The following RBM5 variants were observed in gnomAD, a reference collection of about 807,000 sequenced individuals.
RBM5 encodes the protein RNA binding motif protein 5.
Under a neutral mutation model 124.6 loss-of-function variants are expected in RBM5, and 15 were observed. The ratio of observed to expected loss-of-function variants is 0.12; its 90% CI spans 0.08 to 0.19. The LOEUF (loss-of-function observed/expected upper bound fraction) is 0.19, where lower values mean the gene tolerates loss of function less well. RBM5 is among the 10% of genes least tolerant of loss of function. RBM5 has a pLI of 1.00. For synonymous variants in RBM5, 337 were observed against 361.2 expected (o/e 0.93, Z 0.76); for missense variants, 580 against 1,026.5 (o/e 0.57, Z 5.94).
At chr3:50,109,531 G>C in intron 14 of RBM5, 72 bp from the exon 15 acceptor site, 1 of 1,208,324 alleles carries the variant, frequency 8.3e-7, no homozygotes, top group Non-Finnish European at 1.2e-6. Context: ...GCTAGATTGG[G>C]CATTACAAAT....
rs1394253861 is a variant in RBM5, at chr3:50,100,724, T to C, written c.483+119T>C. 5 of 717,762 alleles carry C rather than the reference T, an allele frequency of 7.0e-6. No homozygotes were observed. The highest frequency in any genetic ancestry group is 2.7e-5 in the East Asian group (1 of 36,950). 44.5% of individuals were successfully genotyped at this position (717,762 alleles called of 1,614,324 possible). A position where few individuals can be genotyped will look rare whatever the true frequency, so the allele number is the denominator to read the frequency against. The stretch of plus-strand genomic sequence containing the variant: ...GTGACTTTTTTTTAAAAAAAAAGCT[T>C]TGTATATATTAAAATTGATGTTACT... On this transcript the variant is annotated intron_variant, in intron 6 of 24. Transcript: ENST00000347869. The surrounding 1 kb of genome is among the most constrained non-coding windows in gnomAD (Gnocchi z 5.1).
chr3:50,110,431 C>G lies in RBM5; in HGVS notation c.1331C>G (p.Ser444Cys), dbSNP rs1217037358. The change falls in exon 16 of 25, where the codon TCC (serine) becomes TGC (cysteine). Residue 444 changes from serine to cysteine, a missense_variant. By Grantham distance (112) the Ser-to-Cys change is moderately radical (BLOSUM62 -1). This residue lies in a region of RBM5 where 104 missense variants were observed against 128.7 expected (regional missense o/e 0.81). Coordinates refer to ENST00000347869, the MANE Select transcript of RBM5 (RefSeq NM_005778.4). ...TSTSTQAPAA[S>C]PTGVVPGTKY... ...ACAAGTACACAGGCCCCAGCCGCTT[C>G]CCCTACTGGTGTAGTTCCTGGTACC... 1.2e-6 allele frequency: 2 copies of G among 1,614,098 alleles called. No homozygotes were observed. The highest frequency in any genetic ancestry group is 3.3e-5 in the Admixed American group (2 of 60,006).
chr3:50,107,601 T>C, intron 12 of RBM5, 32 bp downstream of exon 12: 2 of 1,515,188 alleles, frequency 1.3e-6, no homozygotes, highest in Non-Finnish European at 1.8e-6. Flanking sequence ...CTCAAGGTAG[T>C]GTGGTGGTGG....
intron 17 of RBM5, 100 bp downstream of exon 17, chr3:50,110,870 C>T: frequency 1.0e-6 from 1 of 992,624 alleles, no homozygotes. Context: ...GAATATATGA[C>T]TCAGATTAGT....
At chr3:50,091,301 C>T (rs1420362757) in intron 2 of RBM5, among the ~76,000 whole-genome samples, 1 of 152,190 alleles carries the variant, frequency 6.6e-6, no homozygotes. Context: ...CTAAATGAAG[C>T]CCTTATAAAC....
Position 50,118,082 on chromosome 3 carries a change from C to T in RBM5, c.2323-249C>T, listed in dbSNP as rs2091290820. 1.5e-5 allele frequency: 8 copies of T among 534,954 alleles called. No homozygotes were observed. The East Asian group carries it at 1.9e-4, about 13-fold the overall frequency. The allele number at this position is 534,954 out of a possible 1,614,324, so 33.1% of individuals were successfully genotyped here. On this transcript the variant is annotated intron_variant, in intron 24 of 24. Coordinates refer to ENST00000347869, the MANE Select transcript of RBM5 (RefSeq NM_005778.4). The stretch of plus-strand genomic sequence containing the variant: ...GAATACTTTGGGGCCCTTTCCTAGG[C>T]GTGGATGCTTGCTGAGCAGGCATTG...
chr3:50,091,748 G>C (rs2090707034), intron 2 of RBM5, among the ~76,000 whole-genome samples: 3 of 152,138 alleles, frequency 2.0e-5, no homozygotes, highest in Non-Finnish European at 4.4e-5. Context: ...GTAGACTCTA[G>C]GCTTGACAAA....
intron 4 of RBM5, among the ~76,000 whole-genome samples, chr3:50,095,919 T>C (rs1394859408): frequency 1.3e-5 from 2 of 152,318 alleles, no homozygotes; most frequent in East Asian, 3.9e-4. Context: ...AGTAATATTC[T>C]GACTAATGTT....
intron 18 of RBM5, 60 bp downstream of exon 18, chr3:50,113,604 G>T: frequency 6.7e-7 from 1 of 1,502,410 alleles, no homozygotes; most frequent in Non-Finnish European, 9.0e-7. Context: ...TAGTTTTGGG[G>T]TTGTAGCATT....
At chr3:50,108,378 C>G in intron 14 of RBM5, 74 bp downstream of exon 14, 1 of 1,360,832 alleles carries the variant, frequency 7.3e-7, no homozygotes, top group Non-Finnish European at 1.0e-6. Context: ...AATGTCCTAA[C>G]TGGACCAAAA....
chr3:50,110,140 G>C (rs1176783941), intron 15 of RBM5, among the ~76,000 whole-genome samples: 1 of 152,264 alleles, frequency 6.6e-6, no homozygotes, highest in Non-Finnish European at 1.5e-5. Flanking sequence ...GAACCCCGGA[G>C]ACGGAGGTTG....
intron 10 of RBM5, 101 bp from the exon 11 acceptor site, chr3:50,106,666 C>A: frequency 1.2e-6 from 1 of 827,686 alleles, no homozygotes; most frequent in Non-Finnish European, 1.9e-6. Context: ...AATTAATTGC[C>A]TTTTATTTTT....
chr3:50,118,635 C>T lies in RBM5; in HGVS notation c.*179C>T. 1.0e-6 allele frequency: 1 copy of T among 991,142 alleles called. No homozygotes were observed. The highest frequency in any genetic ancestry group is 1.7e-5 in the South Asian group (1 of 59,668). The allele number at this position is 991,142 out of a possible 1,614,324, so 61.4% of individuals were successfully genotyped here. A position where few individuals can be genotyped will look rare whatever the true frequency, so the allele number is the denominator to read the frequency against. On this transcript the variant is annotated 3_prime_UTR_variant, in exon 25 of 25. Transcript: ENST00000347869. ...AAGAAGTTCCCCTTATGTGGGTTGC[C>T]TGGTGAATGGCCTTCCTTCCCGCCA...
chr3:50,114,432 G>A (rs2091203923), intron 20 of RBM5, 181 bp downstream of exon 20: 2 of 579,038 alleles, frequency 3.5e-6, no homozygotes. Flanking sequence ...TGTGAGAGCA[G>A]ATGAGATGGA....
chr3:50,108,022 C>T (rs1247967903), intron 12 of RBM5, 48 bp from the exon 13 acceptor site: 1 of 1,500,430 alleles, frequency 6.7e-7, no homozygotes, highest in Admixed American at 1.7e-5. Context: ...GAATTTTTTT[C>T]CTTAATGCCT....
At chr3:50,099,357 ATGTTC>A (rs1182306690) in intron 4 of RBM5, among the ~76,000 whole-genome samples, 1 of 152,154 alleles carries the variant, frequency 6.6e-6, no homozygotes, top group African/African-American at 2.4e-5. Context: ...TCTATGAGAA[ATGTTC>A]TCTCTTTTTT....
chr3:50,115,213 C>A (rs1317782968), intron 20 of RBM5: 6 of 522,668 alleles, frequency 1.1e-5, no homozygotes, highest in Middle Eastern at 4.9e-4. Context: ...ATTTCTTAGG[C>A]TCCAAGAAGG....
In RBM5 at chr3:50,115,409, GTCC is replaced by G. The variant is rs777400029; in HGVS notation, c.1840-14_1840-12del. ...TCCTATTGTACATTTCCAGTGACCT[GTCC>G]TCCTTTTGTCTCCAGAGGGGTCTGG... On this transcript the variant is annotated splice_polypyrimidine_tract_variant and intron_variant, in intron 20 of 24. Transcript: ENST00000347869. The G allele has an allele frequency of 1.2e-6, 2 of 1,610,206 alleles. No individual in the cohort carries two copies. Among genetic ancestry groups the G allele is most frequent in the South Asian group, 2.2e-5 (2 of 90,512 alleles).
chr3:50,106,323 G>C (rs1256455619), intron 10 of RBM5, among the ~76,000 whole-genome samples: 1 of 151,748 alleles, frequency 6.6e-6, no homozygotes, highest in African/African-American at 2.4e-5. Context: ...TGTATTTTTA[G>C]TAGAGATGGG....
Sources: allele counts gnomAD v4.1 joint callset (sites outside exome capture counted in the v4.1 genomes callset), GRCh38; gene constraint gnomAD v4.1.1; regional missense constraint gnomAD v4.1.1; non-coding constraint Gnocchi (gnomAD v3.1); transcripts MANE v1.5; gene names NCBI Gene and HGNC (gene_info 2026-07-23, HGNC 2026-07-21).